Variants in RGSL1 observed in about 807,000 individuals in gnomAD.
RGSL1 encodes the protein regulator of G protein signaling like 1.
A neutral mutation model predicts 124.7 loss-of-function variants in RGSL1; 97 were observed. That is an observed-to-expected ratio of 0.78 (90% CI 0.66 to 0.92). The LOEUF (loss-of-function observed/expected upper bound fraction) is 0.92, where lower values mean the gene tolerates loss of function less well. Among genes scored for constraint, RGSL1 ranks in the 40% least tolerant of loss-of-function variants. The pLI is 0.00. For missense variants in RGSL1, 1,233 were observed against 1,288.4 expected, an observed-to-expected ratio of 0.96 and a Z score of 0.66; for synonymous variants, 424 against 438.1, an observed-to-expected ratio of 0.97 and a Z score of 0.40.
In RGSL1 at chr1:182,539,975, G is replaced by A. The variant is rs747435776; in HGVS notation, c.2495-272G>A. Among the ~76,000 whole-genome samples, 50 of 152,304 alleles carry A rather than the reference G, an allele frequency of 3.3e-4. 2 individuals are homozygous for A. The Middle Eastern group carries it at 0.01, about 31-fold the overall frequency. On this transcript the variant is annotated intron_variant, in intron 14 of 21. Coordinates refer to ENST00000294854, the MANE Select transcript of RGSL1 (RefSeq NM_001137669.2). ...ATTTTCAGTCTCTGCAGAAACCTTA[G>A]GGATTAGCGTAACTGTGGTGTGCTT...
intron 6 of RGSL1, among the ~76,000 whole-genome samples, chr1:182,482,658 A>T (rs1271349073): frequency 6.6e-6 from 1 of 152,242 alleles, no homozygotes; most frequent in Non-Finnish European, 1.5e-5. Context: ...CCAAATTTAC[A>T]TTCCTGTTTG....
intron 19 of RGSL1, 84 bp from the exon 20 acceptor site, chr1:182,554,543 C>A: frequency 8.4e-7 from 1 of 1,191,814 alleles, no homozygotes; most frequent in Non-Finnish European, 1.2e-6. Context: ...GCCCACCCAG[C>A]ATGGTCCTCC....
At chr1:182,521,886 A>G in intron 9 of RGSL1, 118 bp from the exon 10 acceptor site, 1 of 653,732 alleles carries the variant, frequency 1.5e-6, no homozygotes, top group Non-Finnish European at 2.6e-6. Context: ...AGATGGCAGC[A>G]GTTGTGGGGA....
chr1:182,482,886 G>A (rs2920135), intron 6 of RGSL1, among the ~76,000 whole-genome samples: 25,929 of 152,134 alleles, frequency 0.17, 2,518 homozygotes, highest in East Asian at 0.37. Context: ...GCATCAAAAG[G>A]TGAATGGATA....
At chr1:182,500,822 T>C (rs1397695030) in intron 9 of RGSL1, among the ~76,000 whole-genome samples, 1 of 152,226 alleles carries the variant, frequency 6.6e-6, no homozygotes, top group African/African-American at 2.4e-5. Context: ...CAACTGATTA[T>C]TGCATATTGA....
At chr1:182,482,449 T>C (rs755155916) in intron 6 of RGSL1, among the ~76,000 whole-genome samples, 6 of 152,126 alleles carry the variant, frequency 3.9e-5, no homozygotes, top group South Asian at 2.1e-4. Context: ...GAAGTGAAAC[T>C]ATATAGAAAA....
At chr1:182,506,101 A>G (rs1656788187) in intron 9 of RGSL1, among the ~76,000 whole-genome samples, 1 of 152,188 alleles carries the variant, frequency 6.6e-6, no homozygotes. Context: ...TTCAAAATAT[A>G]TAGGACTGCT....
At position 182,458,384 on chromosome 1, in the gene RGSL1, T is replaced by C. The variant is rs1375471723; in HGVS notation, c.162T>C (p.Pro54=). The C allele has an allele frequency of 1.4e-5, 22 of 1,551,752 alleles. No homozygotes were observed. Among genetic ancestry groups the C allele is most frequent in the Non-Finnish European group, 1.8e-5 (21 of 1,146,856 alleles). Residue 54 remains proline (P), a synonymous_variant, in exon 3 of 22, where the codon CCT becomes CCC. Transcript: ENST00000294854. Reference sequence around the variant, plus strand: ...AGTGGAGCTTGTGGCCAGAAATACCTTGTAACTTGGTGAGTAAAATTCTTC... The same window carrying C: ...AGTGGAGCTTGTGGCCAGAAATACCCTGTAACTTGGTGAGTAAAATTCTTC... ...NSQWSLWPEI[P]CNLIAKYKGL...
At chr1:182,513,312 A>G (rs977726746) in intron 9 of RGSL1, among the ~76,000 whole-genome samples, 5 of 152,246 alleles carry the variant, frequency 3.3e-5, no homozygotes, top group Non-Finnish European at 5.9e-5. Flanking sequence ...AAACGAAGCC[A>G]TCTTCAGAGG....
intron 9 of RGSL1, among the ~76,000 whole-genome samples, chr1:182,506,970 C>T (rs1223816131): frequency 1.4e-5 from 2 of 145,196 alleles, no homozygotes; most frequent in East Asian, 4.0e-4. Context: ...CTATATTCAC[C>T]CTGCTCACCT....
chr1:182,457,462 C>A (rs171980), intron 2 of RGSL1, among the ~76,000 whole-genome samples: 37,276 of 152,010 alleles, frequency 0.25, 4,801 homozygotes, highest in East Asian at 0.39. Context: ...TACAGACTTA[C>A]AATTGTAACA....
intron 9 of RGSL1, among the ~76,000 whole-genome samples, chr1:182,509,130 C>G (rs1657092058): frequency 1.5e-5 from 1 of 65,604 alleles, no homozygotes. Flanking sequence ...CAATCTTTTC[C>G]CCACCTTTCC....
chr1:182,530,965 G>A (rs538392177), intron 13 of RGSL1, 55 bp downstream of exon 13: 661 of 1,511,642 alleles, frequency 4.4e-4, no homozygotes, highest in Non-Finnish European at 5.6e-4. Flanking sequence ...CCATCGTCTT[G>A]GGGGTAGGTT....
At chr1:182,533,832 G>A (rs1296799030) in intron 14 of RGSL1, among the ~76,000 whole-genome samples, 1 of 152,114 alleles carries the variant, frequency 6.6e-6, no homozygotes, top group Non-Finnish European at 1.5e-5. Context: ...AAGGCAGGAG[G>A]GCCAGAGAAA....
At chr1:182,484,831 AGT>A (rs1455217969) in intron 6 of RGSL1, among the ~76,000 whole-genome samples, 1 of 152,196 alleles carries the variant, frequency 6.6e-6, no homozygotes, top group Non-Finnish European at 1.5e-5. Flanking sequence ...CAAGGGGAAG[AGT>A]GTGACAGCTG....
Position 182,538,002 on chromosome 1 carries a change from T to G in RGSL1, c.2495-2245T>G, listed in dbSNP as rs566605443. Among the ~76,000 whole-genome samples, 3 of 152,212 alleles carry G rather than the reference T, an allele frequency of 2.0e-5. No individual in the cohort carries two copies. The East Asian group carries it at 5.8e-4, about 29-fold the overall frequency. ...GAGAGTCCACTGAACTTGACCTGGGTTTTCCCTCCCTGACTGTGGAATGGA... is the reference window on the plus strand; with the variant it reads ...GAGAGTCCACTGAACTTGACCTGGGGTTTCCCTCCCTGACTGTGGAATGGA... On this transcript the variant is annotated intron_variant, in intron 14 of 21. Transcript: ENST00000294854.
At chr1:182,480,355 C>T (rs570544585) in intron 6 of RGSL1, among the ~76,000 whole-genome samples, 2 of 152,192 alleles carry the variant, frequency 1.3e-5, no homozygotes, top group Admixed American at 6.5e-5. Flanking sequence ...CACTTAAGCC[C>T]AGGAGTTCAA....
chr1:182,517,281 T>TG (rs1013814805), intron 9 of RGSL1, among the ~76,000 whole-genome samples: 2 of 38,248 alleles, frequency 5.2e-5, no homozygotes, highest in Non-Finnish European at 1.3e-4. Flanking sequence ...TTTCTATTTC[T>TG]GTTTTTTTTT....
rs61160428 is a variant in RGSL1, at chr1:182,514,349, A to C, written c.1826-7655A>C. ...CGTCAGTGGGATCCCATTTAGGGTC[A>C]TTCACTGGTACTGCTTCTCTTTCAG... is the stretch of plus-strand genomic sequence containing the variant. On this transcript the variant is annotated intron_variant, in intron 9 of 21. Transcript: ENST00000294854. 5.7e-4 allele frequency among the ~76,000 whole-genome samples: 87 copies of C among 152,248 alleles called. 1 individual carries two copies. The East Asian group carries it at 0.016, about 28-fold the overall frequency.
Sources: gnomAD v4.1 joint callset for allele counts (sites outside exome capture counted in the v4.1 genomes callset) on GRCh38, gnomAD v4.1.1 for gene constraint, MANE v1.5 for transcripts, NCBI Gene and HGNC (gene_info 2026-07-23, HGNC 2026-07-21) for gene names.